CNTNAP2: variants seen among roughly 807,000 people sequenced by gnomAD.
CNTNAP2 encodes contactin associated protein 2, also known as contactin-associated protein-like 2.
Under a neutral mutation model 155.2 loss-of-function variants are expected in CNTNAP2, and 98 were observed. That is an observed-to-expected ratio of 0.63 (90% CI 0.54 to 0.75). The LOEUF is 0.75. Among genes scored for constraint, CNTNAP2 ranks in the 30% least tolerant of loss-of-function variants. The probability of loss-of-function intolerance (pLI) is 0.00; values close to 1 mark genes in which losing one functional copy is unlikely to be tolerated. For synonymous variants in CNTNAP2, 651 were observed against 631.2 expected, an observed-to-expected ratio of 1.03 and a Z score of -0.47; for missense variants, 1,727 against 1,688.1, an observed-to-expected ratio of 1.02 and a Z score of -0.40.
intron 10 of CNTNAP2, among the ~76,000 whole-genome samples, chr7:147,402,203 C>G (rs1487902544): frequency 1.3e-5 from 2 of 152,240 alleles, no homozygotes; most frequent in Admixed American, 1.3e-4. Flanking sequence ...GTTGTACTAC[C>G]ATTTCAAGAG....
At chr7:147,969,129 A>C (rs1336858433) in intron 14 of CNTNAP2, among the ~76,000 whole-genome samples, 1 of 152,184 alleles carries the variant, frequency 6.6e-6, no homozygotes, top group Admixed American at 6.5e-5. Context: ...AGCTCACTGA[A>C]GCCTCGACTT....
intron 14 of CNTNAP2, among the ~76,000 whole-genome samples, chr7:147,958,927 A>G (rs1479542283): frequency 6.6e-6 from 1 of 152,132 alleles, no homozygotes; most frequent in South Asian, 2.1e-4. Flanking sequence ...CTGTAATTCC[A>G]CATTTCTAAC....
chr7:146,898,206 CAAT>C (rs1209639884), intron 3 of CNTNAP2, among the ~76,000 whole-genome samples: 1 of 151,936 alleles, frequency 6.6e-6, no homozygotes, highest in Non-Finnish European at 1.5e-5. Context: ...TATAAATACA[CAAT>C]AATTTCTGAA....
At chr7:147,376,152 G>A (rs1796430025) in intron 9 of CNTNAP2, among the ~76,000 whole-genome samples, 1 of 151,946 alleles carries the variant, frequency 6.6e-6, no homozygotes, top group African/African-American at 2.4e-5. Context: ...AAACATTTAT[G>A]GATTCATCAT....
chr7:146,584,022 T>C (rs1014970376), intron 1 of CNTNAP2, among the ~76,000 whole-genome samples: 3 of 152,178 alleles, frequency 2.0e-5, no homozygotes, highest in African/African-American at 7.2e-5. Context: ...TCTAGATTTA[T>C]AAGGCATCAT....
At chr7:148,008,050 A>G (rs1802010751) in intron 15 of CNTNAP2, among the ~76,000 whole-genome samples, 1 of 152,108 alleles carries the variant, frequency 6.6e-6, no homozygotes, top group African/African-American at 2.4e-5. Context: ...GGTAGAATCT[A>G]ATCACATGGA....
At chr7:146,239,583 C>T (rs554868066) in intron 1 of CNTNAP2, among the ~76,000 whole-genome samples, 1 of 152,278 alleles carries the variant, frequency 6.6e-6, no homozygotes, top group African/African-American at 2.4e-5. Context: ...CTCCAGCCTA[C>T]CTCAGTGCTG....
chr7:148,211,862 T>G (rs1160621124), intron 18 of CNTNAP2, among the ~76,000 whole-genome samples: 1 of 152,170 alleles, frequency 6.6e-6, no homozygotes. Context: ...TGTGGGGAAG[T>G]TTTCCAAGTT....
chr7:147,181,373 T>C (rs1408236553), intron 8 of CNTNAP2, among the ~76,000 whole-genome samples: 1 of 152,330 alleles, frequency 6.6e-6, no homozygotes, highest in Middle Eastern at 3.4e-3. Flanking sequence ...AGATATATTA[T>C]TTTACTAGAA....
chr7:147,118,455 A>G (rs1459589431), intron 5 of CNTNAP2, among the ~76,000 whole-genome samples: 1 of 152,214 alleles, frequency 6.6e-6, no homozygotes, highest in Non-Finnish European at 1.5e-5. Flanking sequence ...GGGGAAATAT[A>G]TAATATTAAG....
At chr7:147,085,039 G>A (rs561608170) in intron 4 of CNTNAP2, among the ~76,000 whole-genome samples, 173 of 151,986 alleles carry the variant, frequency 1.1e-3, no homozygotes, top group African/African-American at 4.0e-3. Context: ...TCAAAGTTGA[G>A]AAAAGCATTT....
chr7:146,197,141 A>T (rs181776380), intron 1 of CNTNAP2, among the ~76,000 whole-genome samples: 1 of 152,320 alleles, frequency 6.6e-6, no homozygotes. Context: ...TTCCTAGTGT[A>T]TGATAGCATA....
At chr7:146,416,805 T>C (rs1795944185) in intron 1 of CNTNAP2, among the ~76,000 whole-genome samples, 1 of 152,144 alleles carries the variant, frequency 6.6e-6, no homozygotes, top group Non-Finnish European at 1.5e-5. Context: ...ACATTTCATT[T>C]ACCACTTATA....
At chr7:148,393,128 T>C (rs929499196) in intron 22 of CNTNAP2, among the ~76,000 whole-genome samples, 1 of 152,226 alleles carries the variant, frequency 6.6e-6, no homozygotes, top group Non-Finnish European at 1.5e-5. Context: ...ACATATATCA[T>C]CTATTCTGTT....
chr7:147,254,740 G>C (rs991992598), intron 8 of CNTNAP2, among the ~76,000 whole-genome samples: 1 of 152,142 alleles, frequency 6.6e-6, no homozygotes, highest in Non-Finnish European at 1.5e-5. Flanking sequence ...TGACATCTTA[G>C]AATCTGAGGA....
At chr7:146,829,836 A>G (rs1803476862) in intron 2 of CNTNAP2, among the ~76,000 whole-genome samples, 1 of 152,152 alleles carries the variant, frequency 6.6e-6, no homozygotes, top group Admixed American at 6.6e-5. Flanking sequence ...TTCTTCTTGA[A>G]CACCCTTAGT....
intron 20 of CNTNAP2, among the ~76,000 whole-genome samples, chr7:148,262,877 C>T (rs2116833913): frequency 6.6e-6 from 1 of 152,274 alleles, no homozygotes; most frequent in East Asian, 1.9e-4. Flanking sequence ...TCCGATGCTG[C>T]TGTTCTGAAT....
chr7:147,498,306 C>T (rs549638989), intron 11 of CNTNAP2, among the ~76,000 whole-genome samples: 3 of 152,168 alleles, frequency 2.0e-5, no homozygotes, highest in South Asian at 4.2e-4. Context: ...GATGAAAGTG[C>T]AGTCATTGCA....
chr7:147,549,248 C>T (rs922650684), intron 11 of CNTNAP2, among the ~76,000 whole-genome samples: 42 of 152,072 alleles, frequency 2.8e-4, no homozygotes, highest in African/African-American at 1.0e-3. Flanking sequence ...AAATGTTTTT[C>T]CATTTGTTGA....
Sources: allele counts gnomAD v4.1 joint callset (sites outside exome capture counted in the v4.1 genomes callset), GRCh38; gene constraint gnomAD v4.1.1; transcripts MANE v1.5; gene names NCBI Gene and HGNC (gene_info 2026-07-23, HGNC 2026-07-21).